Variants in DRG1 observed in about 807,000 individuals in gnomAD.
DRG1 encodes developmentally-regulated GTP-binding protein 1.
DRG1 carries 19 observed loss-of-function variants against 38.8 expected under a neutral mutation model. The observed-to-expected ratio is 0.49, with a 90% CI of 0.34 to 0.72. The LOEUF is 0.72. Among genes scored for constraint, DRG1 ranks in the 30% least tolerant of loss-of-function variants. The pLI is 0.01. For missense variants in DRG1, 299 were observed against 444.8 expected (o/e 0.67, Z 2.95); for synonymous variants, 167 against 157.5 (o/e 1.06, Z -0.45).
intron 1 of DRG1, among the ~76,000 whole-genome samples, chr22:31,400,188 T>C (rs1330925121): frequency 6.6e-6 from 1 of 151,928 alleles, no homozygotes; most frequent in East Asian, 1.9e-4. Flanking sequence ...ACCCCCTGAT[T>C]CAGAGTATTT....
intron 4 of DRG1, among the ~76,000 whole-genome samples, chr22:31,417,063 CAAA>C (rs71319192): frequency 1.4e-5 from 2 of 143,390 alleles, no homozygotes; most frequent in African/African-American, 2.6e-5. Flanking sequence ...CACCCTGTCT[CAAA>C]AAAAAAAATA....
At chr22:31,416,208 C>T (rs1051132108) in intron 4 of DRG1, among the ~76,000 whole-genome samples, 10 of 152,026 alleles carry the variant, frequency 6.6e-5, no homozygotes, top group South Asian at 2.1e-4. Context: ...ACCTGGGAGG[C>T]GGAGGTTGTA....
rs1173679821 is a variant in DRG1, at chr22:31,426,666, T to C, written c.765T>C (p.Ile255=). 6.2e-7 allele frequency: 1 copy of C among 1,613,990 alleles called. No individual in the cohort carries two copies. The highest frequency in any genetic ancestry group is 1.1e-5 in the South Asian group (1 of 91,030). The change falls in exon 7 of 9, where the codon ATT becomes ATC. Residue 255 remains isoleucine, a synonymous_variant. Coordinates refer to ENST00000331457, the MANE Select transcript of DRG1 (RefSeq NM_004147.4). The stretch of plus-strand genomic sequence containing the variant: ...TAAATAAGATTGACCAAATCTCCAT[T>C]GAGGAATTGGATATCATCTATAAGG... The part of the protein sequence containing the change: ...YVLNKIDQIS[I]EELDIIYKVP...
chr22:31,413,184 G>T (rs2145863085), intron 4 of DRG1, among the ~76,000 whole-genome samples: 1 of 151,932 alleles, frequency 6.6e-6, no homozygotes, highest in Non-Finnish European at 1.5e-5. Flanking sequence ...CCGTAACCAT[G>T]AACTCATAGG....
intron 8 of DRG1, among the ~76,000 whole-genome samples, chr22:31,430,171 G>A (rs1465253984): frequency 6.6e-6 from 1 of 152,272 alleles, no homozygotes; most frequent in Admixed American, 6.5e-5. Flanking sequence ...CAAGATGTGG[G>A]TGCTAAGCAT....
chr22:31,412,598 C>T (rs2050024075), intron 4 of DRG1, among the ~76,000 whole-genome samples: 1 of 151,958 alleles, frequency 6.6e-6, no homozygotes, highest in Admixed American at 6.6e-5. Flanking sequence ...ATCCGCCCGC[C>T]TCGGCCTCCC....
At chr22:31,425,559 A>G (rs1468498259) in intron 6 of DRG1, among the ~76,000 whole-genome samples, 4 of 150,732 alleles carry the variant, frequency 2.7e-5, no homozygotes, top group South Asian at 2.1e-4. Flanking sequence ...TCCCACCTCA[A>G]CCTCCTGAGT....
Position 31,426,624 on chromosome 22 carries a change from C to G in DRG1, c.723C>G (p.Ile241Met). The G allele has an allele frequency of 4.3e-6, 7 of 1,611,944 alleles. No homozygotes were observed. The highest frequency in any genetic ancestry group is 5.9e-6 in the Non-Finnish European group (7 of 1,179,206). ...IDVVEGNRVY[I>M]PCIYVLNKID... is the part of the protein sequence containing the mutation. ...TCTTCACTTTCTGTAGAGTTTATAT[C>G]CCCTGTATCTATGTGTTAAATAAGA... The change falls in exon 7 of 9, where the codon ATC becomes ATG. Residue 241 changes from isoleucine to methionine, a missense_variant. Transcript: ENST00000331457.
chr22:31,421,707 A>G (rs2050078042), intron 5 of DRG1, among the ~76,000 whole-genome samples: 1 of 151,998 alleles, frequency 6.6e-6, no homozygotes, highest in Non-Finnish European at 1.5e-5. Context: ...CCCCATCTCT[A>G]TAAAAATAAT....
chr22:31,426,492 T>G, intron 6 of DRG1, 123 bp from the exon 7 acceptor site: 1 of 767,156 alleles, frequency 1.3e-6, no homozygotes, highest in Non-Finnish European at 2.1e-6. Flanking sequence ...TTCTGGCTGA[T>G]CTGCTACTTA....
intron 8 of DRG1, among the ~76,000 whole-genome samples, chr22:31,428,614 C>T (rs2050123721): frequency 6.6e-6 from 1 of 152,198 alleles, no homozygotes; most frequent in Non-Finnish European, 1.5e-5. Context: ...ATGTTGTTAA[C>T]TATAGATCTT....
intron 6 of DRG1, among the ~76,000 whole-genome samples, chr22:31,425,733 G>A (rs926928): frequency 0.46 from 69,685 of 152,090 alleles, 16,786 homozygotes; most frequent in Middle Eastern, 0.57. Context: ...AAGCCACTAT[G>A]CCCAGCCCAT....
chr22:31,412,176 C>T (rs954494163), intron 4 of DRG1, among the ~76,000 whole-genome samples: 2 of 150,486 alleles, frequency 1.3e-5, no homozygotes, highest in African/African-American at 4.9e-5. Flanking sequence ...CGCCTGTAGT[C>T]CCAGCTACTT....
At chr22:31,407,332 T>C (rs1364780064) in intron 3 of DRG1, among the ~76,000 whole-genome samples, 1 of 152,002 alleles carries the variant, frequency 6.6e-6, no homozygotes, top group African/African-American at 2.4e-5. Flanking sequence ...CAGTTATTAT[T>C]GTACTTTTGC....
Position 31,433,920 on chromosome 22 carries a change from TAA to T in DRG1, c.1055_1056del (p.Lys352ArgfsTer7). The T allele has an allele frequency of 6.2e-7, 1 of 1,614,104 alleles. No homozygotes were observed. Among genetic ancestry groups the T allele is most frequent in the Non-Finnish European group, 8.5e-7 (1 of 1,179,970 alleles). Reference sequence around the variant, plus strand: ...TGAAACACAATCCTCAGAAAGTGGGTAAAGACCATACGTTGGAGGATGAGGAT... The same window carrying T: ...TGAAACACAATCCTCAGAAAGTGGGTAGACCATACGTTGGAGGATGAGGAT... ...SVKHNPQKVG[K>X]DHTLEDEDVI... is the part of the protein sequence containing the mutation. On this transcript the variant is annotated frameshift_variant, in exon 9 of 9. Coordinates refer to ENST00000331457, the MANE Select transcript of DRG1 (RefSeq NM_004147.4). LOFTEE classifies it high-confidence loss of function.
At chr22:31,410,873 A>G in intron 3 of DRG1, 139 bp from the exon 4 acceptor site, 1 of 800,762 alleles carries the variant, frequency 1.2e-6, no homozygotes, top group Non-Finnish European at 1.9e-6. Context: ...AGTAATATTC[A>G]CACACTCGCT....
In DRG1 at chr22:31,415,881, G is replaced by A. The variant is rs79699951; in HGVS notation, c.413-4375G>A. ...CTTCTTTTTTTTTCCCCTTTGATTC[G>A]TAGTGACTGCAAACTCTTCACCTAT... On this transcript the variant is annotated intron_variant, in intron 4 of 8. Transcript: ENST00000331457. 4.3e-3 allele frequency among the ~76,000 whole-genome samples: 656 copies of A among 151,194 alleles called. 1 individual carries two copies. Among genetic ancestry groups the A allele is most frequent in the African/African-American group, 0.013 (552 of 41,168 alleles).
intron 8 of DRG1, among the ~76,000 whole-genome samples, chr22:31,431,268 T>C (rs1459095596): frequency 6.6e-6 from 1 of 151,948 alleles, no homozygotes; most frequent in East Asian, 1.9e-4. Flanking sequence ...TCTCCTGACC[T>C]CGTGATCTGT....
chr22:31,406,674 C>CG (rs796494473), intron 3 of DRG1, among the ~76,000 whole-genome samples: 86 of 149,198 alleles, frequency 5.8e-4, no homozygotes, highest in African/African-American at 1.9e-3. Flanking sequence ...GACCCTGTCC[C>CG]GGAAAAAAAA....
Sources: allele counts gnomAD v4.1 joint callset (sites outside exome capture counted in the v4.1 genomes callset), GRCh38; gene constraint gnomAD v4.1.1; transcripts MANE v1.5; gene names NCBI Gene and HGNC (gene_info 2026-07-23, HGNC 2026-07-21).